PPIB: variants seen among roughly 807,000 people sequenced by gnomAD.
PPIB encodes the protein peptidyl-prolyl cis-trans isomerase B.
In PPIB, 15 loss-of-function variants were observed where a neutral mutation model predicts 20.1. The ratio of observed to expected loss-of-function variants is 0.75; its 90% confidence interval spans 0.50 to 1.15. The LOEUF is 1.15. PPIB is among the 50% of genes most tolerant of loss of function. The probability of loss-of-function intolerance (pLI) is 0.00; values close to 1 mark genes in which losing one functional copy is unlikely to be tolerated. For missense variants in PPIB, 278 were observed against 283.0 expected (o/e 0.98, Z 0.13); for synonymous variants, 129 against 111.0 (o/e 1.16, Z -1.02).
chr15:64,160,334 T>C lies in PPIB; in HGVS notation c.250-137A>G, dbSNP rs2081558495. Reference sequence around the variant, plus strand: ...ACTGCTGACCACTTTCACTGTTCAGTGTGCTACTAAGTGAGCGGGCAGGCG... The same window carrying C: ...ACTGCTGACCACTTTCACTGTTCAGCGTGCTACTAAGTGAGCGGGCAGGCG... On this transcript the variant is annotated intron_variant, in intron 2 of 4. Coordinates refer to ENST00000300026, the MANE Select transcript of PPIB (RefSeq NM_000942.5). This position sits in a 1 kb window ranked among gnomAD's most constrained non-coding sequence, Gnocchi z 4.8. 1.3e-6 allele frequency: 1 copy of C among 755,786 alleles called. No individual in the cohort carries two copies. Among genetic ancestry groups the C allele is most frequent in the South Asian group, 1.5e-5 (1 of 68,360 alleles). 46.8% of individuals were successfully genotyped at this position (755,786 alleles called of 1,614,324 possible).
At chr15:64,162,387 A>G (rs957684196) in intron 1 of PPIB, among the ~76,000 whole-genome samples, 4 of 152,222 alleles carry the variant, frequency 2.6e-5, no homozygotes, top group Admixed American at 1.3e-4. Flanking sequence ...ACAGGATAAC[A>G]ATATTTGCTC....
In PPIB at chr15:64,161,447, C is replaced by G. The variant is rs1053891517; in HGVS notation, c.249+594G>C. Among the ~76,000 whole-genome samples, 1 of 151,546 alleles carries G rather than the reference C, an allele frequency of 6.6e-6. No homozygotes were observed. Among genetic ancestry groups the G allele is most frequent in the African/African-American group, 2.4e-5 (1 of 41,244 alleles). The stretch of plus-strand genomic sequence containing the variant: ...CTAATTAAAAAAAATTTTTTTTGGC[C>G]GGGCATAGTGGCTCACACCTCTAAT... On this transcript the variant is annotated intron_variant, in intron 2 of 4. Coordinates refer to ENST00000300026, the MANE Select transcript of PPIB (RefSeq NM_000942.5). This position sits in a 1 kb window ranked among gnomAD's most constrained non-coding sequence, Gnocchi z 4.2.
rs28720181 is a variant in PPIB at position 64,160,404 on chromosome 15, C to T, written c.250-207G>A. Among the ~76,000 whole-genome samples the T allele has an allele frequency of 0.044, 6,740 of 152,284 alleles. 193 individuals carry two copies. Among genetic ancestry groups the T allele is most frequent in the South Asian group, 0.086 (415 of 4,824 alleles). On this transcript the variant is annotated intron_variant, in intron 2 of 4. Transcript: ENST00000300026. This position sits in a 1 kb window ranked among gnomAD's most constrained non-coding sequence, Gnocchi z 4.8. The stretch of plus-strand genomic sequence containing the variant: ...CACACAGATGTGGAAATCCCTCTGC[C>T]TCCATACAATTCCCAAGCTTTATAC...
chr15:64,157,827 G>T lies in PPIB; in HGVS notation c.344-918C>A, dbSNP rs1720226232. Among the ~76,000 whole-genome samples the T allele has an allele frequency of 6.6e-6, 1 of 152,198 alleles. No individual in the cohort carries two copies. The highest frequency in any genetic ancestry group is 1.5e-5 in the Non-Finnish European group (1 of 68,028). On this transcript the variant is annotated intron_variant, in intron 3 of 4. Transcript: ENST00000300026. This position sits in a 1 kb window ranked among gnomAD's most constrained non-coding sequence, Gnocchi z 4.2. ...AGATGCCAACCAGGAAGATGTTTCT[G>T]ATTGGGCAGCAGGTAGGATGACTGA...
rs2081538558 is a variant in PPIB at position 64,157,043 on chromosome 15, G to A, written c.344-134C>T. On this transcript the variant is annotated intron_variant, in intron 3 of 4. Transcript: ENST00000300026. This position sits in a 1 kb window ranked among gnomAD's most constrained non-coding sequence, Gnocchi z 4.2. ...TGGAGTGGACTACAAGGACATAAAA[G>A]CAGCGTCCTTCCTATCTTCTGGCCT... The A allele has an allele frequency of 1.0e-6, 1 of 952,674 alleles. No homozygotes were observed. Among genetic ancestry groups the A allele is most frequent in the Admixed American group, 2.5e-5 (1 of 39,728 alleles). The allele number at this position is 952,674 out of a possible 1,614,324, so 59.0% of individuals were successfully genotyped here.
Position 64,162,072 on chromosome 15 carries a change from A to G in PPIB, c.218T>C (p.Val73Ala), listed in dbSNP as rs2081566371. 2 of 1,613,706 alleles carry G rather than the reference A, an allele frequency of 1.2e-6. No individual in the cohort carries two copies. The highest frequency in any genetic ancestry group is 2.2e-5 in the South Asian group (2 of 91,090). Residue 73 changes from valine (V) to alanine (A), a missense_variant, in exon 2 of 5, where the codon GTG (valine) becomes GCG (alanine). Physicochemically the swap from Val to Ala is moderately conservative, Grantham distance 64. Transcript: ENST00000300026. ...GLFGKTVPKT[V>A]DNFVALATGE... ...TGTAGCTAAGGCCACAAAATTATCC[A>G]CTGTTTTTGGAACAGTCTTTCCGAA...
In PPIB at chr15:64,156,580, G is replaced by C; in HGVS notation, c.528+145C>G. Reference sequence around the variant, plus strand: ...AACCTTGGAGGCATGGAGGTACAGGGTTTATTCTGGACAGGAGCACTGGGC... The same window carrying C: ...AACCTTGGAGGCATGGAGGTACAGGCTTTATTCTGGACAGGAGCACTGGGC... On this transcript the variant is annotated intron_variant, in intron 4 of 4. Transcript: ENST00000300026. This position sits in a 1 kb window ranked among gnomAD's most constrained non-coding sequence, Gnocchi z 6.4. 9.8e-7 allele frequency: 1 copy of C among 1,024,122 alleles called. No individual in the cohort carries two copies. Among genetic ancestry groups the C allele is most frequent in the East Asian group, 2.4e-5 (1 of 42,130 alleles). 63.4% of individuals were successfully genotyped at this position (1,024,122 alleles called of 1,614,324 possible).
At position 64,161,892 on chromosome 15, in the gene PPIB, G is replaced by T; in HGVS notation, c.249+149C>A. The T allele has an allele frequency of 1.3e-6, 1 of 755,524 alleles. No individual in the cohort carries two copies. 46.8% of individuals were successfully genotyped at this position (755,524 alleles called of 1,614,324 possible). On this transcript the variant is annotated intron_variant, in intron 2 of 4. Coordinates refer to ENST00000300026, the MANE Select transcript of PPIB (RefSeq NM_000942.5). The surrounding 1 kb of genome is among the most constrained non-coding windows in gnomAD (Gnocchi z 4.2). ...TCAGGGCCCCATTACTCTTAAGAAA[G>T]GGCAATACTGTGTTCCCAGGGCAAC...
At position 64,156,163 on chromosome 15, in the gene PPIB, A is replaced by AAGT; in HGVS notation, c.529-19_529-18insACT. ...ACCACCTCCTGGAAAAGAAAGGTGG[A>AAGT]AGCAGGAGGGCATGGTGGATCAGGA... On this transcript the variant is annotated intron_variant, in intron 4 of 4. Coordinates refer to ENST00000300026, the MANE Select transcript of PPIB (RefSeq NM_000942.5). This position sits in a 1 kb window ranked among gnomAD's most constrained non-coding sequence, Gnocchi z 6.4. 1 of 1,613,944 alleles carries AAGT rather than the reference A, an allele frequency of 6.2e-7. No homozygotes were observed.
At position 64,156,373 on chromosome 15, in the gene PPIB, C is replaced by A; in HGVS notation, c.529-228G>T. ...CCTTTGAAGTAAGACCCAGGTTGGG[C>A]CAAGGGTGAGGAGGAGGAAGAGGGT... On this transcript the variant is annotated intron_variant, in intron 4 of 4. Coordinates refer to ENST00000300026, the MANE Select transcript of PPIB (RefSeq NM_000942.5). This position sits in a 1 kb window ranked among gnomAD's most constrained non-coding sequence, Gnocchi z 6.4. 1.5e-6 allele frequency: 1 copy of A among 669,430 alleles called. No individual in the cohort carries two copies. Among genetic ancestry groups the A allele is most frequent in the Non-Finnish European group, 2.6e-6 (1 of 383,124 alleles). 41.5% of individuals were successfully genotyped at this position (669,430 alleles called of 1,614,324 possible). A position where few individuals can be genotyped will look rare whatever the true frequency, so the allele number is the denominator to read the frequency against.
rs990490672 is a variant in PPIB, at chr15:64,161,159, G to A, written c.249+882C>T. Among the ~76,000 whole-genome samples, 4 of 149,932 alleles carry A rather than the reference G, an allele frequency of 2.7e-5. No individual in the cohort carries two copies. The highest frequency in any genetic ancestry group is 1.5e-5 in the Non-Finnish European group (1 of 67,438). On this transcript the variant is annotated intron_variant, in intron 2 of 4. Transcript: ENST00000300026. The surrounding 1 kb of genome is among the most constrained non-coding windows in gnomAD (Gnocchi z 4.2). ...GTATTTTTAGTAGAGACAGGATTTC[G>A]CCATGTTGGCCAGGCTGGTCTCGAA... is the stretch of plus-strand genomic sequence containing the variant.
chr15:64,156,451 C>T lies in PPIB; in HGVS notation c.528+274G>A. 1.6e-6 allele frequency: 1 copy of T among 617,338 alleles called. No individual in the cohort carries two copies. The highest frequency in any genetic ancestry group is 2.9e-6 in the Non-Finnish European group (1 of 347,944). The allele number at this position is 617,338 out of a possible 1,614,324, so 38.2% of individuals were successfully genotyped here. A position where few individuals can be genotyped will look rare whatever the true frequency, so the allele number is the denominator to read the frequency against. ...ATTGCGTTCAGCTGCACTCTGTATA[C>T]CTCAGGGGTGGGACCAGCACGTCAC... is the stretch of plus-strand genomic sequence containing the variant. On this transcript the variant is annotated intron_variant, in intron 4 of 4. Coordinates refer to ENST00000300026, the MANE Select transcript of PPIB (RefSeq NM_000942.5). This position sits in a 1 kb window ranked among gnomAD's most constrained non-coding sequence, Gnocchi z 6.4.
rs1163323813 is a variant in PPIB at position 64,157,476 on chromosome 15, A to AGT, written c.344-569_344-568dup. The AGT allele has an allele frequency of 1.2e-5, 2 of 160,452 alleles. No homozygotes were observed. The highest frequency in any genetic ancestry group is 2.8e-5 in the Non-Finnish European group (2 of 72,574). The allele number at this position is 160,452 out of a possible 1,614,324, so 9.9% of individuals were successfully genotyped here. ...TGAACAGGAATAAAAGACAGCTGTG[A>AGT]GTGTGTGTGACGCGTCTGTCCACGT... On this transcript the variant is annotated intron_variant, in intron 3 of 4. Transcript: ENST00000300026. This position sits in a 1 kb window ranked among gnomAD's most constrained non-coding sequence, Gnocchi z 4.2.
In PPIB at chr15:64,155,855, C is replaced by A; in HGVS notation, c.*168G>T. On this transcript the variant is annotated 3_prime_UTR_variant, in exon 5 of 5. Coordinates refer to ENST00000300026, the MANE Select transcript of PPIB (RefSeq NM_000942.5). ...AAAACCCACATTTTTTTTTATTGGT[C>A]AGTGTTGGTAGGAGTTTGTTACAAA... The A allele has an allele frequency of 2.2e-6, 2 of 922,638 alleles. No homozygotes were observed. The highest frequency in any genetic ancestry group is 3.3e-6 in the Non-Finnish European group (2 of 603,748). The allele number at this position is 922,638 out of a possible 1,614,324, so 57.2% of individuals were successfully genotyped here.
rs1366295498 is a variant in PPIB, at chr15:64,159,847, T to C, written c.343+257A>G. The C allele has an allele frequency of 1.0e-5, 6 of 578,150 alleles. No individual in the cohort carries two copies. Among genetic ancestry groups the C allele is most frequent in the Non-Finnish European group, 1.9e-5 (6 of 323,312 alleles). The allele number at this position is 578,150 out of a possible 1,614,324, so 35.8% of individuals were successfully genotyped here. The stretch of plus-strand genomic sequence containing the variant: ...GGTATCAGGAAAGGTCACCAGGCTA[T>C]AGGCCTGGATCAGCAGGACGGTCAC... On this transcript the variant is annotated intron_variant, in intron 3 of 4. Transcript: ENST00000300026. This position sits in a 1 kb window ranked among gnomAD's most constrained non-coding sequence, Gnocchi z 5.1.
In PPIB at chr15:64,157,592, G is replaced by A. The variant is rs1203410265; in HGVS notation, c.344-683C>T. 2.0e-5 allele frequency: 3 copies of A among 152,490 alleles called. No individual in the cohort carries two copies. Among genetic ancestry groups the A allele is most frequent in the African/African-American group, 4.8e-5 (2 of 41,428 alleles). 9.4% of individuals were successfully genotyped at this position (152,490 alleles called of 1,614,324 possible). On this transcript the variant is annotated intron_variant, in intron 3 of 4. Coordinates refer to ENST00000300026, the MANE Select transcript of PPIB (RefSeq NM_000942.5). The surrounding 1 kb of genome is among the most constrained non-coding windows in gnomAD (Gnocchi z 4.2). ...CAAAGCTGCTTCCACGAGGAACACC[G>A]AAACCCTTCTTTTTCCCTATCACCC...
intron 1 of PPIB, 106 bp from the exon 2 acceptor site, chr15:64,162,260 T>C: frequency 1.2e-6 from 1 of 834,540 alleles, no homozygotes; most frequent in Non-Finnish European, 2.1e-6. Flanking sequence ...TAGAGCCATA[T>C]TTTTAGAGAA....
rs759753798 is a variant in PPIB, at chr15:64,156,034, C to A, written c.640G>T (p.Ala214Ser). Residue 214 changes from alanine to serine, a missense_variant, in exon 5 of 5, where the codon GCC becomes TCC. Physicochemically the swap from Ala to Ser is moderately conservative, Grantham distance 99. Transcript: ENST00000300026. The surrounding 1 kb of genome is among the most constrained non-coding windows in gnomAD (Gnocchi z 6.4). The stretch of plus-strand genomic sequence containing the variant: ...GATGTCCCTGTGCCCTACTCCTTGG[C>A]GATGGCAAAGGGCTTCTCCACCTCG... ...KIEVEKPFAI[A>S]KE 1.9e-6 allele frequency: 3 copies of A among 1,614,164 alleles called. No homozygotes were observed. The highest frequency in any genetic ancestry group is 2.2e-5 in the South Asian group (2 of 91,084).
At position 64,156,845 on chromosome 15, in the gene PPIB, G is replaced by A; in HGVS notation, c.408C>T (p.Gly136=). The A allele has an allele frequency of 6.2e-7, 1 of 1,614,210 alleles. No homozygotes were observed. Among genetic ancestry groups the A allele is most frequent in the South Asian group, 1.1e-5 (1 of 91,082 alleles). Residue 136 remains glycine (G), a synonymous_variant, in exon 4 of 5, where the codon GGC becomes GGT. Coordinates refer to ENST00000300026, the MANE Select transcript of PPIB (RefSeq NM_000942.5). The surrounding 1 kb of genome is among the most constrained non-coding windows in gnomAD (Gnocchi z 6.4). ...ENFKLKHYGP[G]WVSMANAGKD... is the part of the protein sequence containing the mutation. ...TGCCTGCGTTGGCCATGCTCACCCA[G>A]CCAGGCCCGTAGTGCTTCAGTTTGA... is the stretch of plus-strand genomic sequence containing the variant.
Sources: allele counts gnomAD v4.1 joint callset (sites outside exome capture counted in the v4.1 genomes callset), GRCh38; gene constraint gnomAD v4.1.1; non-coding constraint Gnocchi (gnomAD v3.1); transcripts MANE v1.5; gene names NCBI Gene and HGNC (gene_info 2026-07-23, HGNC 2026-07-21).